AIDA: variants seen among roughly 807,000 people sequenced by gnomAD.
AIDA encodes axin interactor, dorsalization-associated protein.
AIDA carries 18 observed loss-of-function variants against 42.7 expected under a neutral mutation model. The ratio of observed to expected loss-of-function variants is 0.42; its 90% confidence interval spans 0.29 to 0.63. The LOEUF is 0.63. Among genes scored for constraint, AIDA ranks in the 20% least tolerant of loss-of-function variants. The pLI, the probability that AIDA is intolerant of heterozygous loss-of-function variation, is 0.19. For missense variants in AIDA, 250 were observed against 354.1 expected (o/e 0.71, Z 2.36); for synonymous variants, 104 against 122.9 (o/e 0.85, Z 1.02).
intron 6 of AIDA, among the ~76,000 whole-genome samples, chr1:222,686,159 T>TCAAAA (rs200676920): frequency 2.5e-4 from 38 of 152,080 alleles, no homozygotes; most frequent in South Asian, 6.2e-4. Context: ...AGACTCTGTC[T>TCAAAA]CAAAACAAAA....
chr1:222,689,736 AATTT>A (rs1392586849), intron 4 of AIDA, among the ~76,000 whole-genome samples: 1 of 151,614 alleles, frequency 6.6e-6, no homozygotes, highest in East Asian at 1.9e-4. Flanking sequence ...AACTAAGGTT[AATTT>A]ATTATTAAAG....
At chr1:222,712,009 A>G in intron 1 of AIDA, 199 bp downstream of exon 1, 3 of 692,116 alleles carry the variant, frequency 4.3e-6, no homozygotes, top group Non-Finnish European at 7.1e-6. Flanking sequence ...GAAGAAGGCG[A>G]GTCACCCCAG....
intron 4 of AIDA, among the ~76,000 whole-genome samples, chr1:222,692,180 T>C (rs1655390595): frequency 1.3e-5 from 2 of 152,316 alleles, no homozygotes; most frequent in East Asian, 1.9e-4. Flanking sequence ...AATTATACTT[T>C]AGGAGGATGC....
intron 2 of AIDA, among the ~76,000 whole-genome samples, chr1:222,699,104 T>C (rs1326235078): frequency 6.6e-6 from 1 of 152,194 alleles, no homozygotes; most frequent in Admixed American, 6.5e-5. Context: ...CGATTACAGG[T>C]GTGAGACACC....
intron 4 of AIDA, among the ~76,000 whole-genome samples, chr1:222,693,254 G>A (rs1655419341): frequency 6.6e-6 from 1 of 152,092 alleles, no homozygotes; most frequent in South Asian, 2.1e-4. Context: ...TTCAACTCTT[G>A]TGCATTTGCC....
At chr1:222,671,051 C>T (rs975150581) in intron 8 of AIDA, among the ~76,000 whole-genome samples, 1 of 151,662 alleles carries the variant, frequency 6.6e-6, no homozygotes, top group African/African-American at 2.4e-5. Flanking sequence ...GTGGTAAGAC[C>T]CCACCTCTAC....
At chr1:222,710,018 G>A (rs1449478006) in intron 1 of AIDA, among the ~76,000 whole-genome samples, 3 of 151,730 alleles carry the variant, frequency 2.0e-5, no homozygotes, top group Admixed American at 1.3e-4. Flanking sequence ...AAATCCCAAC[G>A]ATCCTAGACT....
At chr1:222,698,316 C>T (rs1655577540) in intron 2 of AIDA, among the ~76,000 whole-genome samples, 1 of 151,638 alleles carries the variant, frequency 6.6e-6, no homozygotes, top group Non-Finnish European at 1.5e-5. Flanking sequence ...AAATAAATAT[C>T]GTGAAAATGA....
rs1450349916 is a variant in AIDA, at chr1:222,673,326, T to C, written c.693A>G (p.Glu231=). 15 of 1,604,392 alleles carry C rather than the reference T, an allele frequency of 9.3e-6. No homozygotes were observed. The Middle Eastern group carries it at 5.0e-4, about 53-fold the overall frequency. The change falls in exon 8 of 10, where the codon GAA becomes GAG. Residue 231 remains glutamate, a synonymous_variant. Coordinates refer to ENST00000340020, the MANE Select transcript of AIDA (RefSeq NM_022831.4). ...NVDIELQKHV[E]KLTKGAAIFF... ...AGGATTACAAACCTTTGGTTAATTT[T>C]TCAACATGCTTCTGGAGCTCAATGT...
intron 4 of AIDA, among the ~76,000 whole-genome samples, chr1:222,691,389 C>T (rs993245346): frequency 1.2e-4 from 18 of 152,302 alleles, no homozygotes; most frequent in African/African-American, 4.1e-4. Flanking sequence ...TTCACATAGC[C>T]ACTCTGAATC....
chr1:222,670,558 A>G (rs776722685), intron 8 of AIDA, among the ~76,000 whole-genome samples: 5 of 152,252 alleles, frequency 3.3e-5, no homozygotes, highest in Non-Finnish European at 7.3e-5. Flanking sequence ...CTGCTATAAA[A>G]TATGAAATGC....
chr1:222,709,416 G>C (rs1394134666), intron 1 of AIDA, among the ~76,000 whole-genome samples: 2 of 152,056 alleles, frequency 1.3e-5, no homozygotes, highest in African/African-American at 2.4e-5. Context: ...GGGTGACAGA[G>C]CAAGACTCTG....
intron 2 of AIDA, among the ~76,000 whole-genome samples, chr1:222,696,573 C>T (rs1172193004): frequency 6.6e-6 from 1 of 152,224 alleles, no homozygotes; most frequent in Non-Finnish European, 1.5e-5. Context: ...ACCAACCCTG[C>T]TTAGCTTCTG....
At chr1:222,708,645 G>T (rs966743993) in intron 1 of AIDA, among the ~76,000 whole-genome samples, 2 of 152,026 alleles carry the variant, frequency 1.3e-5, no homozygotes, top group Admixed American at 1.3e-4. Flanking sequence ...TAGGATGACA[G>T]CCGTGAGCCA....
At chr1:222,683,719 A>C (rs569454870) in intron 6 of AIDA, among the ~76,000 whole-genome samples, 14 of 152,254 alleles carry the variant, frequency 9.2e-5, no homozygotes, top group African/African-American at 3.1e-4. Flanking sequence ...ACTATCAGTA[A>C]ATTTTTAGGT....
intron 6 of AIDA, among the ~76,000 whole-genome samples, chr1:222,683,436 C>T (rs1213177579): frequency 6.6e-6 from 1 of 152,186 alleles, no homozygotes; most frequent in African/African-American, 2.4e-5. Context: ...AATAGTTATG[C>T]AGCAGAAAAC....
intron 2 of AIDA, among the ~76,000 whole-genome samples, chr1:222,696,500 A>G (rs74145533): frequency 0.029 from 4,393 of 152,316 alleles, 214 homozygotes; most frequent in African/African-American, 0.099. Context: ...AAACTGAAGC[A>G]CAGAGAGGTT....
chr1:222,702,648 T>C (rs1194148099), intron 2 of AIDA, among the ~76,000 whole-genome samples: 1 of 152,258 alleles, frequency 6.6e-6, no homozygotes, highest in Non-Finnish European at 1.5e-5. Context: ...CTAATTGTTT[T>C]CAGTGGAGAG....
In AIDA at chr1:222,687,614, C is replaced by T. The variant is rs967599235; in HGVS notation, c.334G>A (p.Val112Ile). The change falls in exon 5 of 10, where the codon GTT becomes ATT. Residue 112 changes from valine (V) to isoleucine (I), a missense_variant. Coordinates refer to ENST00000340020, the MANE Select transcript of AIDA (RefSeq NM_022831.4). ...TTTTACCTTAATGGGACAGGCTGAA[C>T]ATCAAATGGGAATTCTTTATTATAT... ...LTYNKEFPFDVQPVPLRRILA... is the reference protein window; with the variant it reads ...LTYNKEFPFDIQPVPLRRILA... 6.7e-6 allele frequency: 10 copies of T among 1,494,606 alleles called. No homozygotes were observed. The highest frequency in any genetic ancestry group is 9.1e-6 in the Non-Finnish European group (10 of 1,099,306). The allele number at this position is 1,494,606 out of a possible 1,614,324, so 92.6% of individuals were successfully genotyped here.
Sources: allele counts gnomAD v4.1 joint callset (sites outside exome capture counted in the v4.1 genomes callset), GRCh38; gene constraint gnomAD v4.1.1; transcripts MANE v1.5; gene names NCBI Gene and HGNC (gene_info 2026-07-23, HGNC 2026-07-21).